Variants in GUCY1A2 observed in about 807,000 individuals in gnomAD.
The protein encoded by GUCY1A2 is guanylate cyclase soluble subunit alpha-2.
GUCY1A2 carries 27 observed loss-of-function variants against 63.5 expected under a neutral mutation model. The observed-to-expected ratio is 0.43, with a 90% CI of 0.31 to 0.59. The LOEUF (loss-of-function observed/expected upper bound fraction) is 0.59. Among genes scored for constraint, GUCY1A2 ranks in the 20% least tolerant of loss-of-function variants. GUCY1A2 has a pLI of 0.11. For synonymous variants in GUCY1A2, 364 were observed against 343.5 expected (o/e 1.06, Z -0.66); for missense variants, 768 against 913.3 (o/e 0.84, Z 2.05).
intron 5 of GUCY1A2, among the ~76,000 whole-genome samples, chr11:106,779,109 TGCAAA>T (rs1483697697): frequency 3.9e-5 from 6 of 152,168 alleles, no homozygotes; most frequent in Non-Finnish European, 8.8e-5. Flanking sequence ...AGACCAACAG[TGCAAA>T]ACTTATCACT....
At chr11:106,955,437 G>A (rs990811698) in intron 3 of GUCY1A2, among the ~76,000 whole-genome samples, 1 of 152,110 alleles carries the variant, frequency 6.6e-6, no homozygotes, top group African/African-American at 2.4e-5. Context: ...GCAGTACCTG[G>A]TACTGGTTTT....
chr11:106,962,195 A>G (rs1297550821), intron 3 of GUCY1A2, among the ~76,000 whole-genome samples: 1 of 152,236 alleles, frequency 6.6e-6, no homozygotes, highest in South Asian at 2.1e-4. Flanking sequence ...GATTCATTCT[A>G]TTATTTAGTT....
chr11:106,777,857 A>G (rs1400667824), intron 5 of GUCY1A2, among the ~76,000 whole-genome samples: 1 of 152,180 alleles, frequency 6.6e-6, no homozygotes, highest in Admixed American at 6.5e-5. Context: ...AACAAGTATT[A>G]GTGACATTTG....
At chr11:106,887,724 C>T (rs145534865) in intron 4 of GUCY1A2, among the ~76,000 whole-genome samples, 6 of 152,216 alleles carry the variant, frequency 3.9e-5, no homozygotes, top group South Asian at 2.1e-4. Context: ...TTGTTTACAA[C>T]GGCAGCTGCT....
intron 4 of GUCY1A2, among the ~76,000 whole-genome samples, chr11:106,832,245 C>G (rs1859061242): frequency 6.6e-6 from 1 of 152,166 alleles, no homozygotes; most frequent in Admixed American, 6.5e-5. Flanking sequence ...CAAGTATTCT[C>G]TAAATAATTT....
At chr11:106,711,271 C>CT (rs1389525311) in intron 6 of GUCY1A2, among the ~76,000 whole-genome samples, 4 of 152,028 alleles carry the variant, frequency 2.6e-5, no homozygotes, top group African/African-American at 9.7e-5. Flanking sequence ...AAAAAGATGT[C>CT]TTTTTTATTA....
intron 1 of GUCY1A2, among the ~76,000 whole-genome samples, chr11:106,986,762 CT>C (rs1312837224): frequency 1.3e-5 from 2 of 152,098 alleles, no homozygotes; most frequent in Non-Finnish European, 2.9e-5. Flanking sequence ...AGCAGTCAGC[CT>C]GACTTCCTCC....
Position 106,687,964 on chromosome 11 carries a change from A to C in GUCY1A2, c.1992-208T>G, listed in dbSNP as rs546811764. On this transcript the variant is annotated intron_variant, in intron 7 of 7. Transcript: ENST00000526355. The stretch of plus-strand genomic sequence containing the variant: ...CCCTTCATGTGATAATAATAAAAAA[A>C]CCCCAAAGCTGAGTATGGTACTACC... Among the ~76,000 whole-genome samples, 42 of 152,300 alleles carry C rather than the reference A, an allele frequency of 2.8e-4. No individual in the cohort carries two copies. The East Asian group carries it at 6.4e-3, about 23-fold the overall frequency.
intron 6 of GUCY1A2, among the ~76,000 whole-genome samples, chr11:106,736,391 C>G (rs1863589964): frequency 6.6e-6 from 1 of 152,138 alleles, no homozygotes; most frequent in African/African-American, 2.4e-5. Context: ...AGAGACGATC[C>G]TTTCCTCAAT....
intron 6 of GUCY1A2, among the ~76,000 whole-genome samples, chr11:106,727,498 T>G (rs1863427075): frequency 6.6e-6 from 1 of 152,166 alleles, no homozygotes; most frequent in South Asian, 2.1e-4. Flanking sequence ...CTTCTTGATC[T>G]TGGAAGAAAA....
intron 6 of GUCY1A2, among the ~76,000 whole-genome samples, chr11:106,709,271 A>C (rs1457181874): frequency 1.5e-5 from 1 of 68,364 alleles, no homozygotes; most frequent in East Asian, 2.8e-4. Context: ...AAATATATTT[A>C]TATATATAAA....
intron 6 of GUCY1A2, among the ~76,000 whole-genome samples, chr11:106,709,307 T>A (rs1591240193): frequency 1.5e-5 from 1 of 67,520 alleles, no homozygotes. Flanking sequence ...ATTTTTATAT[T>A]TATATATATT....
intron 1 of GUCY1A2, among the ~76,000 whole-genome samples, chr11:107,009,696 C>A (rs1373696050): frequency 1.3e-5 from 2 of 152,172 alleles, no homozygotes; most frequent in Non-Finnish European, 2.9e-5. Flanking sequence ...AAAGATACAG[C>A]CATAGGATGT....
At chr11:107,007,987 T>C (rs1390657130) in intron 1 of GUCY1A2, among the ~76,000 whole-genome samples, 2 of 149,572 alleles carry the variant, frequency 1.3e-5, no homozygotes, top group African/African-American at 4.8e-5. Context: ...CATTTTAAGA[T>C]AATCATACTA....
At chr11:106,865,035 T>C (rs1859571867) in intron 4 of GUCY1A2, among the ~76,000 whole-genome samples, 1 of 152,142 alleles carries the variant, frequency 6.6e-6, no homozygotes, top group African/African-American at 2.4e-5. Flanking sequence ...TGCCCGTGAA[T>C]CTGTCTGGTC....
At chr11:106,985,781 A>G (rs998522223) in intron 2 of GUCY1A2, among the ~76,000 whole-genome samples, 2 of 152,206 alleles carry the variant, frequency 1.3e-5, no homozygotes, top group Non-Finnish European at 2.9e-5. Flanking sequence ...GTAAGGCATA[A>G]TTATATGATT....
intron 4 of GUCY1A2, among the ~76,000 whole-genome samples, chr11:106,924,557 C>T (rs1348482562): frequency 1.3e-5 from 2 of 152,150 alleles, no homozygotes; most frequent in East Asian, 1.9e-4. Flanking sequence ...AGCTATATAA[C>T]CTTAGAAAAG....
intron 3 of GUCY1A2, among the ~76,000 whole-genome samples, chr11:106,957,050 G>T (rs1020469576): frequency 3.9e-5 from 6 of 152,208 alleles, no homozygotes; most frequent in Non-Finnish European, 8.8e-5. Flanking sequence ...GGCCTGAAGA[G>T]GCACTCTAGC....
chr11:106,855,785 C>T (rs974624711), intron 4 of GUCY1A2, among the ~76,000 whole-genome samples: 2 of 152,054 alleles, frequency 1.3e-5, no homozygotes, highest in South Asian at 4.1e-4. Flanking sequence ...TACCACTGTC[C>T]AATTAAGACC....
Sources: allele counts gnomAD v4.1 joint callset (sites outside exome capture counted in the v4.1 genomes callset), GRCh38; gene constraint gnomAD v4.1.1; transcripts MANE v1.5; gene names NCBI Gene and HGNC (gene_info 2026-07-23, HGNC 2026-07-21).